DENND4A: variants seen among roughly 807,000 people sequenced by gnomAD.
The protein encoded by DENND4A is C-myc promoter-binding protein.
Under a neutral mutation model 199.3 loss-of-function variants are expected in DENND4A, and 70 were observed. That is an observed-to-expected ratio of 0.35 (90% CI 0.29 to 0.43). The LOEUF is 0.43. DENND4A is among the 20% of genes least tolerant of loss of function. The probability of loss-of-function intolerance (pLI) is 1.00; values close to 1 mark genes in which losing one functional copy is unlikely to be tolerated. For missense variants in DENND4A, 1,723 were observed against 2,255.8 expected (o/e 0.76, Z 4.78); for synonymous variants, 686 against 766.9 (o/e 0.89, Z 1.74).
chr15:65,697,209 C>A, intron 21 of DENND4A, 58 bp downstream of exon 21: 1 of 1,078,688 alleles, frequency 9.3e-7, no homozygotes, highest in South Asian at 1.5e-5. Context: ...AAATCACCTG[C>A]ATTTTCTATG....
At chr15:65,718,760 C>CTTTTTTTTTCT (rs2075500111) in intron 12 of DENND4A, among the ~76,000 whole-genome samples, 3 of 67,738 alleles carry the variant, frequency 4.4e-5, no homozygotes, top group Non-Finnish European at 8.9e-5. Context: ...GTTTTTTTTC[C>CTTTTTTTTTCT]TTTTTTTTTT....
chr15:65,763,783 C>T (rs965811978), intron 1 of DENND4A, among the ~76,000 whole-genome samples: 4 of 151,260 alleles, frequency 2.6e-5, no homozygotes, highest in African/African-American at 4.9e-5. Flanking sequence ...TTTTGAACTG[C>T]TAAATATTGT....
intron 24 of DENND4A, among the ~76,000 whole-genome samples, chr15:65,673,462 C>G (rs1201961932): frequency 6.6e-6 from 1 of 150,542 alleles, no homozygotes; most frequent in Non-Finnish European, 1.5e-5. Flanking sequence ...TAGAGTGAGA[C>G]TGTCTCAAAA....
intron 22 of DENND4A, 118 bp downstream of exon 22, chr15:65,696,248 G>A (rs1015584260): frequency 3.9e-6 from 5 of 1,288,406 alleles, no homozygotes; most frequent in African/African-American, 3.0e-5. Context: ...ATGAGAGGCT[G>A]CACAAAATAT....
At chr15:65,723,047 C>A in intron 11 of DENND4A, 99 bp from the exon 12 acceptor site, 2 of 894,162 alleles carry the variant, frequency 2.2e-6, no homozygotes, top group Non-Finnish European at 3.1e-6. Flanking sequence ...GATTAAACAC[C>A]TTGAATGAAA....
chr15:65,679,112 TGAGACA>T (rs2076483719), intron 23 of DENND4A, among the ~76,000 whole-genome samples: 1 of 152,118 alleles, frequency 6.6e-6, no homozygotes, highest in Non-Finnish European at 1.5e-5. Context: ...ATTATTATTT[TGAGACA>T]GAGTCTAGCT....
chr15:65,726,664 T>C (rs2075810702), intron 11 of DENND4A, among the ~76,000 whole-genome samples: 1 of 152,202 alleles, frequency 6.6e-6, no homozygotes, highest in Non-Finnish European at 1.5e-5. Flanking sequence ...TGAGAACTAA[T>C]CTAAGGTTTC....
At chr15:65,771,643 A>G in intron 1 of DENND4A, 1 of 1,612,168 alleles carries the variant, frequency 6.2e-7, no homozygotes, top group Non-Finnish European at 8.5e-7. Context: ...GGCTATAACC[A>G]GCTCTTCCAT....
At chr15:65,773,002 C>CAAAAA (rs61241995) in intron 1 of DENND4A, among the ~76,000 whole-genome samples, 15 of 102,156 alleles carry the variant, frequency 1.5e-4, no homozygotes, top group Non-Finnish European at 2.2e-4. Flanking sequence ...TGTTTCTAAG[C>CAAAAA]AAAAAAAAAA....
intron 1 of DENND4A, among the ~76,000 whole-genome samples, chr15:65,770,009 T>C (rs1457177456): frequency 6.6e-6 from 1 of 152,154 alleles, no homozygotes; most frequent in Non-Finnish European, 1.5e-5. Flanking sequence ...ATAGGATTAA[T>C]TCAATTACTC....
chr15:65,680,954 G>C (rs1227304311), intron 23 of DENND4A: 2 of 152,192 alleles, frequency 1.3e-5, no homozygotes, highest in Admixed American at 1.3e-4. Flanking sequence ...TTGATGGCTG[G>C]TGACTGAACA....
intron 3 of DENND4A, 111 bp downstream of exon 3, chr15:65,756,029 T>C: frequency 1.1e-6 from 1 of 949,972 alleles, no homozygotes. Flanking sequence ...CTTGTGTATT[T>C]TTCTAAATCT....
chr15:65,784,401 A>T (rs569738914), intron 1 of DENND4A, among the ~76,000 whole-genome samples: 6 of 152,162 alleles, frequency 3.9e-5, no homozygotes, highest in Non-Finnish European at 8.8e-5. Flanking sequence ...TAACGGTGAC[A>T]AATTTAACAT....
chr15:65,667,820 C>G, intron 28 of DENND4A, 105 bp downstream of exon 28: 1 of 1,484,810 alleles, frequency 6.7e-7, no homozygotes, highest in Non-Finnish European at 9.1e-7. Context: ...GGATAAGAGA[C>G]TCTTCTTGGC....
At position 65,676,141 on chromosome 15, in the gene DENND4A, A is replaced by AATATATAT. The variant is rs57613461; in HGVS notation, c.4369+296_4369+303dup. ...AGAAGACAGGGAAGTAATAAGGAAA[A>AATATATAT]ATATATATATATATATATATATATA... On this transcript the variant is annotated intron_variant, in intron 24 of 32. Coordinates refer to ENST00000443035, the MANE Select transcript of DENND4A (RefSeq NM_001320835.1). Among the ~76,000 whole-genome samples the AATATATAT allele has an allele frequency of 9.0e-4, 99 of 110,464 alleles. 3 individuals are homozygous for AATATATAT. Among genetic ancestry groups the AATATATAT allele is most frequent in the South Asian group, 6.7e-3 (19 of 2,848 alleles). 72.5% of individuals were successfully genotyped at this position (110,464 alleles called of 152,430 possible). A position where few individuals can be genotyped will look rare whatever the true frequency, so the allele number is the denominator to read the frequency against.
chr15:65,790,847 T>C (rs904284054), intron 1 of DENND4A, among the ~76,000 whole-genome samples: 10 of 152,092 alleles, frequency 6.6e-5, no homozygotes, highest in Non-Finnish European at 1.5e-5. Context: ...CAATCTTAGG[T>C]CCCCCAGAAT....
chr15:65,702,446 A>G lies in DENND4A; in HGVS notation c.2289T>C (p.Cys763=), dbSNP rs1349883140. 1 of 1,597,114 alleles carries G rather than the reference A, an allele frequency of 6.3e-7. No homozygotes were observed. The highest frequency in any genetic ancestry group is 1.3e-5 in the African/African-American group (1 of 74,720). Reference sequence around the variant, plus strand: ...ACAGTCCATAACAGTGGCGCAGTAGACACCTAGACCACATCTGAGGGATGG... The same window carrying G: ...ACAGTCCATAACAGTGGCGCAGTAGGCACCTAGACCACATCTGAGGGATGG... ...YSSIPQMWSR[C]LLRHCYGLWF... is the part of the protein sequence containing the mutation. The change falls in exon 17 of 33, where the codon TGT becomes TGC. Residue 763 remains cysteine (C), a synonymous_variant. Transcript: ENST00000443035.
At position 65,682,403 on chromosome 15, in the gene DENND4A, C is replaced by T. The variant is rs372710886; in HGVS notation, c.4180-5769G>A. Among the ~76,000 whole-genome samples, 5 of 152,234 alleles carry T rather than the reference C, an allele frequency of 3.3e-5. No individual in the cohort carries two copies. The East Asian group carries it at 5.8e-4, about 18-fold the overall frequency. ...TCTTTCTTTAAACCTCATGAGCCAA[C>T]CTCTGCTGGCTTCAAACTTTTCTTC... On this transcript the variant is annotated intron_variant, in intron 23 of 32. Transcript: ENST00000443035.
chr15:65,715,508 G>C lies in DENND4A; in HGVS notation c.1923C>G (p.Ser641Arg), dbSNP rs769925830. ...ECSFVSDKDA[S>R]LAFFDDCVDK... ...CTACACAATCATCAAAAAATGCCAG[G>C]CTTGCATCTTTGTCACTAACAAAAG... The change falls in exon 14 of 33, where the codon AGC (serine) becomes AGG (arginine). Residue 641 changes from serine to arginine, a missense_variant. By Grantham distance (110) the Ser-to-Arg change is moderately radical. Transcript: ENST00000443035. 6.2e-7 allele frequency: 1 copy of C among 1,611,240 alleles called. No homozygotes were observed. Among genetic ancestry groups the C allele is most frequent in the Admixed American group, 1.7e-5 (1 of 59,390 alleles).
Sources: allele counts gnomAD v4.1 joint callset (sites outside exome capture counted in the v4.1 genomes callset), GRCh38; gene constraint gnomAD v4.1.1; transcripts MANE v1.5; gene names NCBI Gene and HGNC (gene_info 2026-07-23, HGNC 2026-07-21).